The following NDC1 variants were observed in gnomAD, a reference collection of about 807,000 sequenced individuals.
NDC1 encodes the protein NDC1 transmembrane nucleoporin, also known as nucleoporin NDC1.
In NDC1, 24 loss-of-function variants were observed where a neutral mutation model predicts 89.8. The observed-to-expected ratio is 0.27, with a 90% confidence interval of 0.19 to 0.38. The LOEUF (loss-of-function observed/expected upper bound fraction) is 0.38. NDC1 is among the 10% of genes least tolerant of loss of function. The probability of loss-of-function intolerance (pLI) is 1.00; values close to 1 mark genes in which losing one functional copy is unlikely to be tolerated. For synonymous variants in NDC1, 296 were observed against 284.8 expected, an observed-to-expected ratio of 1.04 and a Z score of -0.39; for missense variants, 728 against 797.6, an observed-to-expected ratio of 0.91 and a Z score of 1.05.
intron 16 of NDC1, 76 bp from the exon 17 acceptor site, chr1:53,772,565 T>C: frequency 1.4e-6 from 2 of 1,415,614 alleles, no homozygotes; most frequent in Non-Finnish European, 2.0e-6. Flanking sequence ...GGCTCACATG[T>C]GTAATCCCAA....
chr1:53,814,057 A>G (rs1648398149), intron 6 of NDC1, among the ~76,000 whole-genome samples: 1 of 152,218 alleles, frequency 6.6e-6, no homozygotes, highest in Non-Finnish European at 1.5e-5. Flanking sequence ...CAAGATGGAA[A>G]TTAAAAAATT....
chr1:53,792,375 T>C (rs1647547450), intron 14 of NDC1, among the ~76,000 whole-genome samples: 1 of 152,220 alleles, frequency 6.6e-6, no homozygotes, highest in African/African-American at 2.4e-5. Flanking sequence ...AATGGCTAGT[T>C]GGGTGGATCG....
chr1:53,836,962 C>A (rs913981115), intron 1 of NDC1, among the ~76,000 whole-genome samples: 2 of 152,124 alleles, frequency 1.3e-5, no homozygotes, highest in African/African-American at 4.8e-5. Context: ...TGGACATCAG[C>A]AATATTTAAA....
intron 8 of NDC1, 25 bp downstream of exon 8, chr1:53,807,631 A>T (rs1385038796): frequency 6.3e-7 from 1 of 1,584,176 alleles, no homozygotes; most frequent in African/African-American, 1.4e-5. Flanking sequence ...AAAAGTATTA[A>T]GAAAAAATAT....
chr1:53,827,886 C>G (rs977848038), intron 4 of NDC1, 113 bp downstream of exon 4: 7 of 728,272 alleles, frequency 9.6e-6, no homozygotes, highest in Non-Finnish European at 6.1e-6. Context: ...ATGCAAAAAG[C>G]ACCTTTTGCA....
chr1:53,789,410 G>A (rs570630373), intron 14 of NDC1, among the ~76,000 whole-genome samples: 1 of 152,350 alleles, frequency 6.6e-6, no homozygotes, highest in African/African-American at 2.4e-5. Context: ...CCCTTGCCAA[G>A]TCTCTAAATC....
intron 14 of NDC1, among the ~76,000 whole-genome samples, chr1:53,790,498 G>A (rs1398612648): frequency 1.3e-5 from 2 of 152,132 alleles, no homozygotes; most frequent in Non-Finnish European, 2.9e-5. Flanking sequence ...CCTGAGGTCA[G>A]GAGTTTGAGA....
At chr1:53,804,565 CTTACGGG>C (rs1648040945) in intron 9 of NDC1, among the ~76,000 whole-genome samples, 2 of 152,230 alleles carry the variant, frequency 1.3e-5, no homozygotes, top group South Asian at 4.2e-4. Flanking sequence ...CTACCTCCGC[CTTACGGG>C]TTCAAGCAAT....
intron 4 of NDC1, among the ~76,000 whole-genome samples, chr1:53,827,267 T>TAAA (rs80007578): frequency 7.9e-5 from 10 of 126,872 alleles, no homozygotes; most frequent in Non-Finnish European, 1.0e-4. Flanking sequence ...CATCTTTGTT[T>TAAA]AAAAAAAAAA....
intron 1 of NDC1, among the ~76,000 whole-genome samples, 178 bp downstream of exon 1, chr1:53,838,027 A>G (rs945798219): frequency 6.6e-6 from 1 of 152,014 alleles, no homozygotes; most frequent in African/African-American, 2.4e-5. Context: ...CCCGTAACCA[A>G]CTTCCACTCA....
At chr1:53,772,564 G>T in intron 16 of NDC1, 75 bp from the exon 17 acceptor site, 1 of 1,416,754 alleles carries the variant, frequency 7.1e-7, no homozygotes, top group Non-Finnish European at 9.8e-7. Context: ...TGGCTCACAT[G>T]TGTAATCCCA....
chr1:53,805,346 G>A (rs1298958168), intron 9 of NDC1, among the ~76,000 whole-genome samples: 1 of 152,088 alleles, frequency 6.6e-6, no homozygotes, highest in Non-Finnish European at 1.5e-5. Flanking sequence ...TGGGACCACA[G>A]GCATGTGCCA....
intron 16 of NDC1, among the ~76,000 whole-genome samples, chr1:53,780,036 A>G (rs1215524870): frequency 6.6e-6 from 1 of 152,040 alleles, no homozygotes; most frequent in South Asian, 2.1e-4. Context: ...TTCACCTGTC[A>G]TATGTTCTCT....
chr1:53,780,876 T>TA (rs1647200685), intron 16 of NDC1, among the ~76,000 whole-genome samples: 1 of 147,734 alleles, frequency 6.8e-6, no homozygotes, highest in Non-Finnish European at 1.5e-5. Flanking sequence ...TTTTTTTTTT[T>TA]AGAGACAGGG....
chr1:53,825,125 A>C (rs748329905), intron 5 of NDC1, among the ~76,000 whole-genome samples: 1 of 152,128 alleles, frequency 6.6e-6, no homozygotes, highest in Non-Finnish European at 1.5e-5. Flanking sequence ...GTGAACCGTG[A>C]CCACGCCACT....
chr1:53,809,864 G>A (rs1368107484), intron 6 of NDC1, 118 bp from the exon 7 acceptor site: 1 of 723,760 alleles, frequency 1.4e-6, no homozygotes, highest in East Asian at 2.6e-5. Context: ...CAGTCAAAAT[G>A]TTAGACTTAT....
intron 5 of NDC1, among the ~76,000 whole-genome samples, chr1:53,820,025 C>T (rs1648611399): frequency 6.6e-6 from 1 of 152,050 alleles, no homozygotes; most frequent in Non-Finnish European, 1.5e-5. Context: ...AGGCCTGAGG[C>T]AGGTGTGTCA....
chr1:53,802,186 G>C (rs2100657764), intron 10 of NDC1, among the ~76,000 whole-genome samples: 1 of 152,268 alleles, frequency 6.6e-6, no homozygotes, highest in East Asian at 1.9e-4. Flanking sequence ...CATTGTTATA[G>C]TTAATTTTCC....
chr1:53,780,359 C>G (rs2100628694), intron 16 of NDC1, among the ~76,000 whole-genome samples: 1 of 152,222 alleles, frequency 6.6e-6, no homozygotes, highest in East Asian at 1.9e-4. Context: ...CAGGCGTGAG[C>G]CACCGCGCCC....
Sources: allele counts gnomAD v4.1 joint callset (sites outside exome capture counted in the v4.1 genomes callset), GRCh38; gene constraint gnomAD v4.1.1; transcripts MANE v1.5; gene names NCBI Gene and HGNC (gene_info 2026-07-23, HGNC 2026-07-21).